The following NCOR2 variants were observed in gnomAD, a reference collection of about 807,000 sequenced individuals.
NCOR2 encodes nuclear receptor corepressor 2, also known as CTG repeat protein 26.
Under a neutral mutation model 262.9 loss-of-function variants are expected in NCOR2, and 81 were observed. The ratio of observed to expected loss-of-function variants is 0.31; its 90% CI spans 0.26 to 0.37. NCOR2 has a LOEUF of 0.37. NCOR2 is among the 10% of genes least tolerant of loss of function. NCOR2 has a pLI of 1.00. For synonymous variants in NCOR2, 1,659 were observed against 1,559.3 expected (o/e 1.06, Z -1.51); for missense variants, 3,385 against 3,621.4 (o/e 0.93, Z 1.68).
At chr12:124,497,085 C>T (rs1458187517), upstream of NCOR2, among the ~76,000 whole-genome samples, 5 of 152,228 alleles carry the variant, frequency 3.3e-5, no homozygotes, top group African/African-American at 7.2e-5. This position sits in a 1 kb window ranked among gnomAD's most constrained non-coding sequence, Gnocchi z 4.2. Context: ...CCAGGGCACT[C>T]CTTCTGCACG....
chr12:124,370,936 C>T (rs1202935994), intron 20 of NCOR2, among the ~76,000 whole-genome samples: 1 of 152,166 alleles, frequency 6.6e-6, no homozygotes, highest in Non-Finnish European at 1.5e-5. Flanking sequence ...GGACCCTTGG[C>T]TGATGGGAGA....
chr12:124,417,210 C>T (rs2042948071), intron 13 of NCOR2, among the ~76,000 whole-genome samples: 2 of 151,782 alleles, frequency 1.3e-5, no homozygotes, highest in South Asian at 4.2e-4. Context: ...CCACGGACAG[C>T]AGGCCGGACA....
At chr12:124,339,904 C>CAA in intron 37 of NCOR2, 102 bp downstream of exon 39, 1 of 776,828 alleles carries the variant, frequency 1.3e-6, no homozygotes, top group African/African-American at 1.8e-5. Flanking sequence ...CCCACCCACC[C>CAA]ACCTCCCATA....
rs1378371875 is a variant in NCOR2 at position 124,523,147 on chromosome 12, A to G, written c.-118+12418T>C. Among the ~76,000 whole-genome samples the G allele has an allele frequency of 6.6e-6, 1 of 152,208 alleles. No individual in the cohort carries two copies. The highest frequency in any genetic ancestry group is 1.9e-4 in the East Asian group (1 of 5,198). On this transcript the variant is annotated intron_variant, in intron 1 of 46. Coordinates refer to the NCOR2 transcript ENST00000404621. The surrounding 1 kb of genome is among the most constrained non-coding windows in gnomAD (Gnocchi z 4.0). ...GGCTAAGGGAAGCCAACGGTACTCC[A>G]GGGCTGTTTTTCTGCATGTTGTTTT...
intron 19 of NCOR2, among the ~76,000 whole-genome samples, chr12:124,373,816 T>C (rs2950604): frequency 0.77 from 6,013 of 7,776 alleles, 2,751 homozygotes; most frequent in Non-Finnish European, 0.93. Context: ...CCAGTGCGTG[T>C]GCAGGGGCCC....
chr12:124,399,073 G>A (rs1213453540), intron 15 of NCOR2, among the ~76,000 whole-genome samples: 1 of 152,170 alleles, frequency 6.6e-6, no homozygotes. Context: ...GCCAGGGGGA[G>A]TATGTGTCCA....
chr12:124,329,268 C>G (rs2034968243), intron 44 of NCOR2: 1 of 395,742 alleles, frequency 2.5e-6, no homozygotes, highest in Admixed American at 3.1e-5. Flanking sequence ...TCGAGATCAG[C>G]CTGGCCAATA....
At position 124,547,886 on chromosome 12, in the gene NCOR2, G is replaced by A. The variant is rs76309914; in HGVS notation, c.-164-12275C>T. Among the ~76,000 whole-genome samples the A allele has an allele frequency of 0.014, 2,116 of 152,224 alleles. 132 individuals carry two copies. In the East Asian group the frequency reaches 0.17, roughly 13 times the overall value. On this transcript the variant is annotated intron_variant, in intron 1 of 32. Coordinates refer to the NCOR2 transcript ENST00000458234. ...TGAATAATATTCCATTGTATGGAGA[G>A]ACCAATCATATATTTTTATATGAGA...
chr12:124,560,712 G>A (rs949592538), intron 1 of NCOR2, among the ~76,000 whole-genome samples: 5 of 152,214 alleles, frequency 3.3e-5, no homozygotes, highest in Non-Finnish European at 7.3e-5. Context: ...AAACTCAGGC[G>A]CGGGAAGCTG....
intron 16 of NCOR2, among the ~76,000 whole-genome samples, chr12:124,396,739 G>A (rs949772758): frequency 6.6e-6 from 1 of 152,104 alleles, no homozygotes; most frequent in African/African-American, 2.4e-5. Context: ...CGGGGTGAGG[G>A]CGGGGGCTGT....
At chr12:124,331,209 TC>T (rs2035161862) in intron 43 of NCOR2, among the ~76,000 whole-genome samples, 1 of 151,850 alleles carries the variant, frequency 6.6e-6, no homozygotes, top group Non-Finnish European at 1.5e-5. Flanking sequence ...GTTACAGACA[TC>T]CGCCACCACG....
At chr12:124,496,064 C>G (rs533258646), upstream of NCOR2, among the ~76,000 whole-genome samples, 10 of 152,210 alleles carry the variant, frequency 6.6e-5, 1 homozygote, top group Middle Eastern at 3.4e-3. This position sits in a 1 kb window ranked among gnomAD's most constrained non-coding sequence, Gnocchi z 4.4. Context: ...GATACTGGAG[C>G]CTTCCACGGG....
intron 1 of NCOR2, among the ~76,000 whole-genome samples, chr12:124,490,966 C>G (rs989453549): frequency 2.0e-5 from 3 of 152,234 alleles, no homozygotes; most frequent in Admixed American, 6.5e-5. Flanking sequence ...TGAAACAGAC[C>G]GGTCCTTCCC....
intron 44 of NCOR2, among the ~76,000 whole-genome samples, chr12:124,330,090 C>T (rs2035057335): frequency 6.6e-6 from 1 of 152,202 alleles, no homozygotes; most frequent in South Asian, 2.1e-4. Context: ...CAGGGAAGAT[C>T]AGCAAACCTC....
upstream of NCOR2, among the ~76,000 whole-genome samples, chr12:124,498,944 G>A (rs1036938550): frequency 2.0e-5 from 3 of 152,204 alleles, no homozygotes; most frequent in Admixed American, 6.5e-5. Context: ...GCACATCCAC[G>A]AGGCAGAAAG....
In NCOR2 at chr12:124,373,480, G is replaced by C. The variant is rs564779117; in HGVS notation, c.2219-870C>G. Among the ~76,000 whole-genome samples, 146 of 104,258 alleles carry C rather than the reference G, an allele frequency of 1.4e-3. 1 individual carries two copies. The highest frequency in any genetic ancestry group is 2.3e-3 in the Non-Finnish European group (121 of 51,532). 68.4% of individuals were successfully genotyped at this position (104,258 alleles called of 152,430 possible). On this transcript the variant is annotated intron_variant, in intron 19 of 46. Transcript: ENST00000405201. ...AGGCCAGTGCGTGCGCAGGGGCCCCGGGCACAGTGGACAGTGAGGCCAGTG... is the reference window on the plus strand; with the variant it reads ...AGGCCAGTGCGTGCGCAGGGGCCCCCGGCACAGTGGACAGTGAGGCCAGTG...
At chr12:124,421,275 C>T (rs1344817615) in intron 12 of NCOR2, among the ~76,000 whole-genome samples, 1 of 152,228 alleles carries the variant, frequency 6.6e-6, no homozygotes, top group East Asian at 1.9e-4. Flanking sequence ...TGGGCTGCCT[C>T]TCAGCCAAAG....
At chr12:124,327,196 G>A (rs2034744898) in intron 45 of NCOR2, among the ~76,000 whole-genome samples, 1 of 152,184 alleles carries the variant, frequency 6.6e-6, no homozygotes, top group African/African-American at 2.4e-5. Flanking sequence ...GTGGGCAGGA[G>A]GGCCGGGGCT....
intron 5 of NCOR2, among the ~76,000 whole-genome samples, chr12:124,465,075 G>A (rs896005661): frequency 1.3e-5 from 2 of 152,164 alleles, no homozygotes; most frequent in African/African-American, 2.4e-5. Context: ...CACCCACCAC[G>A]TGACTCGAGG....
Sources: allele counts gnomAD v4.1 joint callset (sites outside exome capture counted in the v4.1 genomes callset), GRCh38; gene constraint gnomAD v4.1.1; non-coding constraint Gnocchi (gnomAD v3.1); transcripts MANE v1.5; gene names NCBI Gene and HGNC (gene_info 2026-07-23, HGNC 2026-07-21).